PSD3: variants seen among roughly 807,000 people sequenced by gnomAD.
PSD3 encodes the protein pleckstrin and Sec7 domain containing 3.
PSD3 carries 49 observed loss-of-function variants against 105.5 expected under a neutral mutation model. The ratio of observed to expected loss-of-function variants is 0.46; its 90% confidence interval spans 0.37 to 0.59. The LOEUF is 0.59. Ranked by LOEUF, PSD3 falls within the 20% of genes least tolerant of loss-of-function variation. PSD3 has a pLI of 0.00. For synonymous variants in PSD3, 557 were observed against 457.8 expected (o/e 1.22, Z -2.77); for missense variants, 1,561 against 1,263.8 (o/e 1.24, Z -3.57).
At chr8:19,070,983 T>C (rs1412373991) in intron 1 of PSD3, among the ~76,000 whole-genome samples, 1 of 152,228 alleles carries the variant, frequency 6.6e-6, no homozygotes, top group African/African-American at 2.4e-5. Context: ...AAAGAGTTCT[T>C]GAGTGTCAGG....
At chr8:18,935,765 T>C (rs1822082029) in intron 2 of PSD3, among the ~76,000 whole-genome samples, 1 of 151,648 alleles carries the variant, frequency 6.6e-6, no homozygotes, top group Non-Finnish European at 1.5e-5. Context: ...AAAACTCTTA[T>C]GAAAACTGGT....
intron 4 of PSD3, among the ~76,000 whole-genome samples, chr8:18,815,660 C>T (rs1812156778): frequency 6.6e-6 from 1 of 152,168 alleles, no homozygotes; most frequent in Non-Finnish European, 1.5e-5. Context: ...ATAGCACAGG[C>T]GTTGCTGTGT....
At chr8:18,965,462 G>A (rs936969925) in intron 1 of PSD3, among the ~76,000 whole-genome samples, 29 of 152,176 alleles carry the variant, frequency 1.9e-4, no homozygotes, top group Non-Finnish European at 2.8e-4. Flanking sequence ...CCCGTTCGGC[G>A]GGGGTGACAG....
chr8:18,782,707 C>G (rs1461581695), intron 8 of PSD3, among the ~76,000 whole-genome samples: 2 of 152,118 alleles, frequency 1.3e-5, no homozygotes, highest in East Asian at 1.9e-4. Flanking sequence ...TCCTCAGGCC[C>G]TTAGATGGTA....
chr8:18,968,099 T>G (rs1280815846), intron 1 of PSD3, among the ~76,000 whole-genome samples: 1 of 152,216 alleles, frequency 6.6e-6, no homozygotes, highest in Admixed American at 6.5e-5. Flanking sequence ...CAGAAATTTA[T>G]GTCCACATTT....
At chr8:18,767,803 A>G (rs1314954098) in intron 8 of PSD3, among the ~76,000 whole-genome samples, 2 of 152,018 alleles carry the variant, frequency 1.3e-5, no homozygotes, top group African/African-American at 4.8e-5. Context: ...AAATAAATAT[A>G]CCTGCATACA....
intron 9 of PSD3, among the ~76,000 whole-genome samples, chr8:18,696,361 T>C (rs1333992797): frequency 6.6e-6 from 1 of 152,162 alleles, no homozygotes; most frequent in Non-Finnish European, 1.5e-5. Flanking sequence ...ATCAGTCCCA[T>C]TTTATACATG....
intron 1 of PSD3, among the ~76,000 whole-genome samples, chr8:19,081,525 G>A (rs1265967730): frequency 2.6e-5 from 4 of 152,178 alleles, no homozygotes; most frequent in South Asian, 2.1e-4. Flanking sequence ...GTCCTTTCAC[G>A]AGTGAAGTGG....
chr8:18,588,156 C>T (rs1029799505), intron 12 of PSD3, among the ~76,000 whole-genome samples: 1 of 152,154 alleles, frequency 6.6e-6, no homozygotes, highest in African/African-American at 2.4e-5. Context: ...ATCCTATTAA[C>T]CTAAGAGGGA....
chr8:18,537,418 A>G (rs1393796565), intron 15 of PSD3, among the ~76,000 whole-genome samples: 1 of 152,176 alleles, frequency 6.6e-6, no homozygotes, highest in African/African-American at 2.4e-5. Flanking sequence ...AGATTTTAGG[A>G]TGACTCCTCT....
Position 19,013,641 on chromosome 8 carries a change from G to A in PSD3, c.-58C>T. On this transcript the variant is annotated 5_prime_UTR_variant, in exon 1 of 16. Coordinates refer to ENST00000327040, the MANE Select transcript of PSD3 (RefSeq NM_015310.4). The stretch of plus-strand genomic sequence containing the variant: ...CGCCGCCGGGCGCTCCGGGGCCGCA[G>A]CCTCAGGGCGCGAGTGCCGGCGGCC... 2 of 1,274,990 alleles carry A rather than the reference G, an allele frequency of 1.6e-6. No individual in the cohort carries two copies. The highest frequency in any genetic ancestry group is 2.0e-6 in the Non-Finnish European group (2 of 1,017,508). 79.0% of individuals were successfully genotyped at this position (1,274,990 alleles called of 1,614,324 possible). A position where few individuals can be genotyped will look rare whatever the true frequency, so the allele number is the denominator to read the frequency against.
Position 18,681,446 on chromosome 8 carries a change from CAAAAAA to C in PSD3, c.2173-25767_2173-25762del, listed in dbSNP as rs528679351. On this transcript the variant is annotated intron_variant, in intron 9 of 15. Coordinates refer to ENST00000327040, the MANE Select transcript of PSD3 (RefSeq NM_015310.4). ...ACATACTGAGACATTGTTTCTGTTT[CAAAAAA>C]AAAAAAAAAAAAAAAAGAAGAGGAG... is the stretch of plus-strand genomic sequence containing the variant. 1.6e-3 allele frequency among the ~76,000 whole-genome samples: 102 copies of C among 62,278 alleles called. No homozygotes were observed. In the East Asian group the frequency reaches 0.032, roughly 19 times the overall value. 40.9% of individuals were successfully genotyped at this position (62,278 alleles called of 152,430 possible).
At chr8:18,921,116 C>T (rs1366958326) in intron 2 of PSD3, among the ~76,000 whole-genome samples, 1 of 152,156 alleles carries the variant, frequency 6.6e-6, no homozygotes, top group Non-Finnish European at 1.5e-5. Context: ...ATGTAAACTA[C>T]TTTTTTTAAC....
At chr8:18,697,489 T>G (rs182059955) in intron 9 of PSD3, among the ~76,000 whole-genome samples, 2 of 152,344 alleles carry the variant, frequency 1.3e-5, no homozygotes, top group African/African-American at 4.8e-5. Flanking sequence ...TTATATACAG[T>G]ATTAAGGTCT....
At position 18,543,055 on chromosome 8, in the gene PSD3, A is replaced by G. The variant is rs572816972; in HGVS notation, c.2929-7097T>C. Among the ~76,000 whole-genome samples the G allele has an allele frequency of 2.1e-4, 32 of 152,282 alleles. No individual in the cohort carries two copies. In the South Asian group the frequency reaches 6.0e-3, roughly 29 times the overall value. On this transcript the variant is annotated intron_variant, in intron 15 of 15. Transcript: ENST00000327040. ...CTTGGGATGGAATTTTACCAAATAC[A>G]ACTGCAATGGCAGATCTCTGCTGAC...
chr8:19,044,293 C>A (rs149653577), intron 1 of PSD3, among the ~76,000 whole-genome samples: 1 of 152,172 alleles, frequency 6.6e-6, no homozygotes, highest in Non-Finnish European at 1.5e-5. Context: ...TCTCCTCAAT[C>A]CACGCTATTT....
chr8:18,694,930 A>G (rs1017312067), intron 9 of PSD3, among the ~76,000 whole-genome samples: 3 of 152,218 alleles, frequency 2.0e-5, no homozygotes, highest in Admixed American at 6.5e-5. Flanking sequence ...GCATAAAAAT[A>G]CTAACTCTTA....
intron 4 of PSD3, among the ~76,000 whole-genome samples, chr8:18,811,279 A>T (rs1811658301): frequency 6.6e-6 from 1 of 152,182 alleles, no homozygotes; most frequent in Non-Finnish European, 1.5e-5. Context: ...CCAATGCTTT[A>T]CTACTTTTAT....
chr8:18,598,722 C>T (rs1804221833), intron 12 of PSD3, among the ~76,000 whole-genome samples: 3 of 152,154 alleles, frequency 2.0e-5, no homozygotes, highest in African/African-American at 7.2e-5. Flanking sequence ...ACAAAATCAA[C>T]CATCAGTTCC....
Sources: gnomAD v4.1 joint callset for allele counts (sites outside exome capture counted in the v4.1 genomes callset) on GRCh38, gnomAD v4.1.1 for gene constraint, MANE v1.5 for transcripts, NCBI Gene and HGNC (gene_info 2026-07-23, HGNC 2026-07-21) for gene names.